Variants in MTREX observed in about 807,000 individuals in gnomAD.
The protein encoded by MTREX is exosome RNA helicase MTR4.
In MTREX, 76 loss-of-function variants were observed where a neutral mutation model predicts 135.4. The observed-to-expected ratio is 0.56, with a 90% confidence interval of 0.47 to 0.68. MTREX has a LOEUF of 0.68. Among genes scored for constraint, MTREX ranks in the 30% least tolerant of loss-of-function variants. The pLI, the probability that MTREX is intolerant of heterozygous loss-of-function variation, is 0.00. For synonymous variants in MTREX, 404 were observed against 401.6 expected (o/e 1.01, Z -0.07); for missense variants, 920 against 1,262.1 (o/e 0.73, Z 4.11).
At position 55,424,522 on chromosome 5, in the gene MTREX, CAG is replaced by C. The variant is rs1248989477; in HGVS notation, c.3077-197_3077-196del. 66 of 517,540 alleles carry C rather than the reference CAG, an allele frequency of 1.3e-4. No individual in the cohort carries two copies. In the East Asian group the frequency reaches 2.1e-3, roughly 16 times the overall value. 32.1% of individuals were successfully genotyped at this position (517,540 alleles called of 1,614,324 possible). A position where few individuals can be genotyped will look rare whatever the true frequency, so the allele number is the denominator to read the frequency against. ...ATGGAGTATTTCAGAGTCAAAAGAACAGGGGTCTGGCTTGTATGTTTTCCACC... is the reference window on the plus strand; with the variant it reads ...ATGGAGTATTTCAGAGTCAAAAGAACGGGTCTGGCTTGTATGTTTTCCACC... On this transcript the variant is annotated intron_variant, in intron 26 of 26. Coordinates refer to ENST00000230640, the MANE Select transcript of MTREX (RefSeq NM_015360.5).
chr5:55,396,842 AG>A, intron 19 of MTREX, among the ~76,000 whole-genome samples: 1 of 152,210 alleles, frequency 6.6e-6, no homozygotes, highest in African/African-American at 2.4e-5. Flanking sequence ...CAGTTTATAG[AG>A]GCTCTCTGGA....
intron 1 of MTREX, among the ~76,000 whole-genome samples, chr5:55,313,500 T>C (rs1749149591): frequency 6.6e-6 from 1 of 152,188 alleles, no homozygotes; most frequent in Admixed American, 6.5e-5. Context: ...CTTTTTCTTA[T>C]ATATACTTAC....
intron 6 of MTREX, 31 bp downstream of exon 6, chr5:55,340,215 C>T (rs752299273): frequency 8.2e-6 from 12 of 1,455,720 alleles, no homozygotes; most frequent in East Asian, 5.1e-5. Flanking sequence ...TCTGACTTTT[C>T]GTTTTTAATT....
At chr5:55,338,318 A>T (rs372658896) in intron 5 of MTREX, among the ~76,000 whole-genome samples, 1 of 152,154 alleles carries the variant, frequency 6.6e-6, no homozygotes, top group African/African-American at 2.4e-5. Context: ...CTCCAGATAC[A>T]TCATTCTACT....
chr5:55,340,842 A>G (rs1363605219), intron 6 of MTREX, among the ~76,000 whole-genome samples: 1 of 152,066 alleles, frequency 6.6e-6, no homozygotes, highest in Non-Finnish European at 1.5e-5. Flanking sequence ...CAGCCTCCCA[A>G]AGTGCTGGGA....
intron 5 of MTREX, among the ~76,000 whole-genome samples, chr5:55,334,757 G>A (rs141475633): frequency 1.3e-5 from 2 of 152,120 alleles, no homozygotes; most frequent in East Asian, 3.9e-4. Flanking sequence ...TCTAGCCACA[G>A]GCAAACACTG....
chr5:55,418,247 G>A (rs1446802650), intron 25 of MTREX, among the ~76,000 whole-genome samples: 3 of 126,184 alleles, frequency 2.4e-5, no homozygotes, highest in African/African-American at 2.9e-5. Context: ...AAAAAAAAAA[G>A]AAAAAAAGAA....
rs988106723 is a variant in MTREX at position 55,366,632 on chromosome 5, A to G, written c.1660-93A>G. 1.0e-5 allele frequency: 9 copies of G among 891,694 alleles called. No individual in the cohort carries two copies. In the Admixed American group the frequency reaches 2.0e-4, roughly 20 times the overall value. 55.2% of individuals were successfully genotyped at this position (891,694 alleles called of 1,614,324 possible). On this transcript the variant is annotated intron_variant, in intron 15 of 26. Coordinates refer to ENST00000230640, the MANE Select transcript of MTREX (RefSeq NM_015360.5). ...TAATACATTTCTGTAGTATTTCTTA[A>G]TGTAGACTGTTATTGAGCATTATAG...
intron 18 of MTREX, among the ~76,000 whole-genome samples, chr5:55,383,659 G>A (rs1049890149): frequency 1.1e-4 from 16 of 152,094 alleles, no homozygotes; most frequent in African/African-American, 3.9e-4. Flanking sequence ...CATAGAAAGT[G>A]ACCAAACTTC....
intron 1 of MTREX, among the ~76,000 whole-genome samples, chr5:55,312,610 A>G (rs1381328027): frequency 2.0e-5 from 3 of 152,104 alleles, no homozygotes; most frequent in Non-Finnish European, 4.4e-5. Context: ...TCTTTTACTC[A>G]ACATAGTGCT....
chr5:55,344,172 C>G (rs546987682), intron 8 of MTREX, among the ~76,000 whole-genome samples: 15 of 152,168 alleles, frequency 9.9e-5, no homozygotes, highest in African/African-American at 3.4e-4. Flanking sequence ...CAGAAAAGTT[C>G]CATTTTACTT....
rs753254293 is a variant in MTREX, at chr5:55,327,806, A to G, written c.402+28A>G. The G allele has an allele frequency of 2.6e-6, 4 of 1,518,488 alleles. No individual in the cohort carries two copies. The Admixed American group carries it at 5.5e-5, about 21-fold the overall frequency. The allele number at this position is 1,518,488 out of a possible 1,614,324, so 94.1% of individuals were successfully genotyped here. A position where few individuals can be genotyped will look rare whatever the true frequency, so the allele number is the denominator to read the frequency against. On this transcript the variant is annotated intron_variant, in intron 4 of 26. Coordinates refer to ENST00000230640, the MANE Select transcript of MTREX (RefSeq NM_015360.5). ...CTGTACTTTGGGTAATACAGTTTAT[A>G]TAGTTTCGTGAGACTCTCTTTTTCT...
At chr5:55,376,792 G>A (rs557910150) in intron 16 of MTREX, among the ~76,000 whole-genome samples, 10 of 152,116 alleles carry the variant, frequency 6.6e-5, no homozygotes, top group Admixed American at 2.6e-4. Context: ...TTTATAGGTC[G>A]GGTGTGGTGG....
chr5:55,323,689 G>T (rs991426091), intron 2 of MTREX, among the ~76,000 whole-genome samples: 9 of 152,108 alleles, frequency 5.9e-5, no homozygotes, highest in African/African-American at 1.9e-4. Flanking sequence ...CAAAGTGTTG[G>T]GATTACAGGT....
intron 2 of MTREX, among the ~76,000 whole-genome samples, chr5:55,323,905 C>T (rs1047079778): frequency 4.6e-5 from 7 of 152,138 alleles, no homozygotes; most frequent in Admixed American, 1.3e-4. Flanking sequence ...ACTCGGCAGT[C>T]TGTTCTGTAT....
intron 19 of MTREX, among the ~76,000 whole-genome samples, chr5:55,391,665 G>A (rs1750569849): frequency 6.6e-6 from 1 of 152,018 alleles, no homozygotes; most frequent in Non-Finnish European, 1.5e-5. Context: ...CTTCCTGAGG[G>A]GCCTAAAAGA....
chr5:55,379,297 G>A, intron 18 of MTREX, 102 bp downstream of exon 18: 1 of 658,900 alleles, frequency 1.5e-6, no homozygotes, highest in Non-Finnish European at 2.6e-6. Context: ...TACCTGAAGA[G>A]AAGCAGTAAT....
chr5:55,416,342 T>TG (rs1750965494), intron 25 of MTREX, among the ~76,000 whole-genome samples: 1 of 152,110 alleles, frequency 6.6e-6, no homozygotes, highest in African/African-American at 2.4e-5. Flanking sequence ...CTTTAGAAAC[T>TG]ATTTTAAACT....
In MTREX at chr5:55,351,035, G is replaced by A. The variant is rs746102352; in HGVS notation, c.1431+6G>A. 6 of 1,586,196 alleles carry A rather than the reference G, an allele frequency of 3.8e-6. No homozygotes were observed. The highest frequency in any genetic ancestry group is 2.7e-5 in the African/African-American group (2 of 72,956). On this transcript the variant is annotated splice_donor_region_variant and intron_variant, in intron 13 of 26. Coordinates refer to ENST00000230640, the MANE Select transcript of MTREX (RefSeq NM_015360.5). ...TTTCTGAAGGATTGATAAAGGTATG[G>A]TTTTATTTTTATTTTTTATGCCCCC...
Sources: gnomAD v4.1 joint callset for allele counts (sites outside exome capture counted in the v4.1 genomes callset) on GRCh38, gnomAD v4.1.1 for gene constraint, MANE v1.5 for transcripts, NCBI Gene and HGNC (gene_info 2026-07-23, HGNC 2026-07-21) for gene names.